Variants in BMPR1B observed in about 807,000 individuals in gnomAD.
The protein encoded by BMPR1B is bone morphogenetic protein receptor type-1B.
Under a neutral mutation model 59.1 loss-of-function variants are expected in BMPR1B, and 12 were observed. The observed-to-expected ratio is 0.20, with a 90% confidence interval of 0.13 to 0.33. The LOEUF (loss-of-function observed/expected upper bound fraction) is 0.33, where lower values mean the gene tolerates loss of function less well. BMPR1B is among the 10% of genes least tolerant of loss of function. The probability of loss-of-function intolerance (pLI) is 1.00; values close to 1 mark genes in which losing one functional copy is unlikely to be tolerated. For missense variants in BMPR1B, 550 were observed against 610.9 expected (o/e 0.90, Z 1.05); for synonymous variants, 237 against 207.3 (o/e 1.14, Z -1.23).
chr4:94,858,010 A>G (rs540049821), intron 1 of BMPR1B, among the ~76,000 whole-genome samples: 14 of 152,250 alleles, frequency 9.2e-5, no homozygotes, highest in Admixed American at 7.2e-4. Context: ...CAGTGGCGCA[A>G]TCTTGGCTCA....
intron 2 of BMPR1B, among the ~76,000 whole-genome samples, chr4:94,891,935 T>C (rs998663746): frequency 2.0e-5 from 3 of 152,124 alleles, no homozygotes; most frequent in Non-Finnish European, 4.4e-5. Context: ...TGATAGTTTT[T>C]ACCCTCAAGT....
intron 1 of BMPR1B, among the ~76,000 whole-genome samples, chr4:94,779,257 A>G (rs550787296): frequency 6.6e-6 from 1 of 152,096 alleles, no homozygotes; most frequent in East Asian, 1.9e-4. Flanking sequence ...TATTGAATGT[A>G]TCTATCCTTT....
At chr4:94,983,359 G>A (rs1363561869) in intron 2 of BMPR1B, among the ~76,000 whole-genome samples, 1 of 152,034 alleles carries the variant, frequency 6.6e-6, no homozygotes, top group Non-Finnish European at 1.5e-5. Flanking sequence ...TATATCCAAC[G>A]CTTAAAACTA....
intron 6 of BMPR1B, among the ~76,000 whole-genome samples, chr4:95,116,421 G>GCGCGCGCGCACACA: frequency 2.0e-4 from 25 of 123,244 alleles, no homozygotes; most frequent in African/African-American, 7.5e-4. Context: ...TTCAGCGCGC[G>GCGCGCGCGCACACA]CACACACACA....
At chr4:94,956,795 G>A (rs558360701) in intron 2 of BMPR1B, among the ~76,000 whole-genome samples, 1 of 129,222 alleles carries the variant, frequency 7.7e-6, no homozygotes, top group Admixed American at 7.6e-5. Flanking sequence ...GTTGTTTAAA[G>A]AAAGAATTTA....
chr4:94,824,278 C>G (rs879772380), intron 1 of BMPR1B, among the ~76,000 whole-genome samples: 1 of 152,298 alleles, frequency 6.6e-6, no homozygotes, highest in African/African-American at 2.4e-5. Flanking sequence ...CCTTCCCCAC[C>G]GTAACTTTTT....
At chr4:94,996,336 G>A (rs1018888751) in intron 3 of BMPR1B, 3 of 152,248 alleles carry the variant, frequency 2.0e-5, no homozygotes, top group South Asian at 2.1e-4. Flanking sequence ...CGTTTCCTGC[G>A]TGTGGTAGGA....
chr4:94,796,351 G>T (rs952170399), intron 1 of BMPR1B, among the ~76,000 whole-genome samples: 8 of 152,122 alleles, frequency 5.3e-5, no homozygotes, highest in Admixed American at 1.3e-4. Flanking sequence ...CATGTTTGTG[G>T]GTTTAGCTCC....
At chr4:95,072,114 A>G (rs1337006263) in intron 3 of BMPR1B, among the ~76,000 whole-genome samples, 1 of 152,142 alleles carries the variant, frequency 6.6e-6, no homozygotes, top group South Asian at 2.1e-4. Context: ...TTCAAGTGCA[A>G]AGAAAGGAAA....
intron 2 of BMPR1B, among the ~76,000 whole-genome samples, chr4:94,876,479 A>G (rs535663239): frequency 1.3e-5 from 2 of 152,324 alleles, no homozygotes; most frequent in East Asian, 1.9e-4. Context: ...ATAGTGTGCT[A>G]CAGTGTTCAA....
At chr4:95,130,309 G>A (rs758757205) in intron 9 of BMPR1B, among the ~76,000 whole-genome samples, 4 of 152,180 alleles carry the variant, frequency 2.6e-5, no homozygotes, top group South Asian at 2.1e-4. Context: ...AACAGGAAAT[G>A]CGAGTGTAAA....
chr4:94,797,935 T>G (rs1723258321), intron 1 of BMPR1B, among the ~76,000 whole-genome samples: 1 of 152,232 alleles, frequency 6.6e-6, no homozygotes, highest in Non-Finnish European at 1.5e-5. Flanking sequence ...TAGTAGTTAG[T>G]GGATGAGTTT....
chr4:95,112,670 T>C (rs1731711555), intron 4 of BMPR1B, among the ~76,000 whole-genome samples: 1 of 152,100 alleles, frequency 6.6e-6, no homozygotes, highest in Non-Finnish European at 1.5e-5. Context: ...AGGGACTATT[T>C]TCTCAGGGTC....
intron 10 of BMPR1B, among the ~76,000 whole-genome samples, chr4:95,144,880 CTG>C (rs1362361616): frequency 6.6e-6 from 1 of 152,148 alleles, no homozygotes; most frequent in Non-Finnish European, 1.5e-5. Flanking sequence ...CTCATTTTCT[CTG>C]TAATTTTATC....
chr4:94,878,149 T>C (rs1242992737), intron 2 of BMPR1B, among the ~76,000 whole-genome samples: 1 of 152,254 alleles, frequency 6.6e-6, no homozygotes, highest in Non-Finnish European at 1.5e-5. Flanking sequence ...TTAAAGGCTC[T>C]TTAAGCATAT....
At chr4:94,795,970 C>CTTT (rs34107733) in intron 1 of BMPR1B, among the ~76,000 whole-genome samples, 1 of 146,520 alleles carries the variant, frequency 6.8e-6, no homozygotes, top group African/African-American at 2.5e-5. Flanking sequence ...CTTTTTTTAA[C>CTTT]TTTTTTTTTT....
intron 3 of BMPR1B, among the ~76,000 whole-genome samples, chr4:95,102,199 G>A (rs1730874798): frequency 6.6e-6 from 1 of 152,142 alleles, no homozygotes; most frequent in Admixed American, 6.5e-5. Flanking sequence ...AATTCACAAT[G>A]TGACAAAATC....
chr4:94,984,455 C>T (rs1721277331), intron 2 of BMPR1B, among the ~76,000 whole-genome samples: 1 of 152,066 alleles, frequency 6.6e-6, no homozygotes, highest in Non-Finnish European at 1.5e-5. Flanking sequence ...TATGTAGAGG[C>T]CCTATTAGCT....
At chr4:95,138,330 G>T (rs1243695439) in intron 10 of BMPR1B, among the ~76,000 whole-genome samples, 1 of 152,104 alleles carries the variant, frequency 6.6e-6, no homozygotes, top group Non-Finnish European at 1.5e-5. Flanking sequence ...CTCTCTGACT[G>T]CCCTTAACAT....
Sources: allele counts gnomAD v4.1 joint callset (sites outside exome capture counted in the v4.1 genomes callset), GRCh38; gene constraint gnomAD v4.1.1; transcripts MANE v1.5; gene names NCBI Gene and HGNC (gene_info 2026-07-23, HGNC 2026-07-21).